The following PCDHA4 variants were observed in gnomAD, a reference collection of about 807,000 sequenced individuals.
The protein encoded by PCDHA4 is protocadherin alpha 4, also known as protocadherin alpha-4.
In PCDHA4, 49 loss-of-function variants were observed where a neutral mutation model predicts 61.4. The ratio of observed to expected loss-of-function variants is 0.80; its 90% CI spans 0.63 to 1.01. The LOEUF is 1.01. Ranked by LOEUF, PCDHA4 falls within the 50% of genes least tolerant of loss-of-function variation. The pLI, the probability that PCDHA4 is intolerant of heterozygous loss-of-function variation, is 0.00. For synonymous variants in PCDHA4, 590 were observed against 550.3 expected (o/e 1.07, Z -1.01); for missense variants, 1,254 against 1,235.8 (o/e 1.01, Z -0.22).
chr5:140,829,158 C>T, intron 1 of PCDHA4: 1 of 1,614,016 alleles, frequency 6.2e-7, no homozygotes, highest in East Asian at 2.2e-5. Flanking sequence ...ACTTCCTTAT[C>T]CTTGCCTGTA....
chr5:140,847,155 T>C lies in PCDHA4; in HGVS notation c.2385+37583T>C. On this transcript the variant is annotated intron_variant, in intron 1 of 3. Transcript: ENST00000530339. ...ACCAATGTAAGAAGATCTCTTGATT[T>C]CTGAGTAATAAACTAAAGGGCCATG... is the stretch of plus-strand genomic sequence containing the variant. Among the ~76,000 whole-genome samples, 2 of 149,582 alleles carry C rather than the reference T, an allele frequency of 1.3e-5. 1 individual carries two copies. The highest frequency in any genetic ancestry group is 3.0e-5 in the Non-Finnish European group (2 of 66,904).
At chr5:140,841,860 T>C (rs2150324281) in intron 1 of PCDHA4, 1 of 1,613,766 alleles carries the variant, frequency 6.2e-7, no homozygotes, top group Admixed American at 1.7e-5. Context: ...TACTTCATGC[T>C]AGATGTGAAT....
At chr5:140,909,353 T>C (rs2074452823) in intron 1 of PCDHA4, among the ~76,000 whole-genome samples, 1 of 152,156 alleles carries the variant, frequency 6.6e-6, no homozygotes, top group Non-Finnish European at 1.5e-5. Flanking sequence ...CCAAGAGATG[T>C]GTTAATTTGT....
At chr5:140,995,500 G>A (rs541415385) in intron 3 of PCDHA4, among the ~76,000 whole-genome samples, 22 of 152,298 alleles carry the variant, frequency 1.4e-4, no homozygotes, top group Admixed American at 1.2e-3. Flanking sequence ...AAGGTTGACT[G>A]TGGGTAACTG....
At chr5:140,883,911 A>G (rs2059884661) in intron 1 of PCDHA4, 2 of 1,613,034 alleles carry the variant, frequency 1.2e-6, no homozygotes, top group Non-Finnish European at 8.5e-7. Flanking sequence ...CTGGGCAGCA[A>G]CGTGACGCTG....
chr5:140,870,555 G>A (rs1554164406), intron 1 of PCDHA4: 1 of 1,613,926 alleles, frequency 6.2e-7, no homozygotes, highest in Non-Finnish European at 8.5e-7. Context: ...CGGACGCGCA[G>A]GAGAACGCGC....
chr5:140,869,189 G>T (rs1554162601), intron 1 of PCDHA4: 1 of 1,613,836 alleles, frequency 6.2e-7, no homozygotes, highest in African/African-American at 1.3e-5. Flanking sequence ...GTGGGGAGCG[G>T]CCAGCTCCAC....
chr5:140,903,334 G>A (rs1451948444), intron 1 of PCDHA4, among the ~76,000 whole-genome samples: 2 of 152,132 alleles, frequency 1.3e-5, no homozygotes, highest in Non-Finnish European at 2.9e-5. Context: ...TTGAGGAAAG[G>A]ATGCATTTTA....
chr5:140,895,603 T>C (rs2065070404), intron 1 of PCDHA4, among the ~76,000 whole-genome samples: 1 of 152,156 alleles, frequency 6.6e-6, no homozygotes, highest in African/African-American at 2.4e-5. Context: ...TTTGCAAAGA[T>C]TTTCTCATTG....
At chr5:140,927,601 G>A (rs1490799029) in intron 1 of PCDHA4, 1 of 1,614,198 alleles carries the variant, frequency 6.2e-7, no homozygotes, top group Non-Finnish European at 8.5e-7. Flanking sequence ...TGAGCGCTCC[G>A]TATACCGCAC....
chr5:140,927,734 G>A, intron 1 of PCDHA4: 1 of 1,614,196 alleles, frequency 6.2e-7, no homozygotes, highest in Non-Finnish European at 8.5e-7. Context: ...GCAGAGCTGC[G>A]ACACCGCTTT....
intron 1 of PCDHA4, chr5:140,966,833 C>G: frequency 2.6e-6 from 4 of 1,563,480 alleles, no homozygotes; most frequent in Non-Finnish European, 3.5e-6. Flanking sequence ...CATGCCCTGG[C>G]TGCTGCTACT....
chr5:140,850,518 G>A, intron 1 of PCDHA4: 1 of 1,598,310 alleles, frequency 6.3e-7, no homozygotes, highest in South Asian at 1.1e-5. Flanking sequence ...GAGCGGCCAG[G>A]CGCCAAAGTC....
chr5:140,828,176 G>T (rs782133322), intron 1 of PCDHA4: 2 of 1,614,128 alleles, frequency 1.2e-6, no homozygotes, highest in Non-Finnish European at 1.7e-6. Flanking sequence ...GGTGGGGAGC[G>T]GCCAGCTCCA....
At chr5:140,949,005 A>G (rs1554218775) in intron 1 of PCDHA4, among the ~76,000 whole-genome samples, 1 of 151,654 alleles carries the variant, frequency 6.6e-6, no homozygotes, top group African/African-American at 2.4e-5. Context: ...ACTAATTTTT[A>G]TATGTGATGT....
At chr5:140,969,346 AG>A (rs2096322383) in intron 1 of PCDHA4, 1 of 1,613,510 alleles carries the variant, frequency 6.2e-7, no homozygotes, top group African/African-American at 1.3e-5. Flanking sequence ...GACAGTGGTC[AG>A]GGGGTCTTCT....
chr5:140,842,052 A>T (rs1777672472), intron 1 of PCDHA4: 1 of 1,613,748 alleles, frequency 6.2e-7, no homozygotes, highest in African/African-American at 1.3e-5. Context: ...ACTTTCGAAC[A>T]GTCTGAATAC....
Position 140,809,166 on chromosome 5 carries a change from C to T in PCDHA4, c.1979C>T (p.Thr660Met), listed in dbSNP as rs1275758806. 1 of 1,613,942 alleles carries T rather than the reference C, an allele frequency of 6.2e-7. No individual in the cohort carries two copies. The highest frequency in any genetic ancestry group is 8.5e-7 in the Non-Finnish European group (1 of 1,179,932). Residue 660 changes from threonine to methionine, a missense_variant, in exon 1 of 4, where the codon ACG (threonine) becomes ATG (methionine). Transcript: ENST00000530339. ...LVKDHGEPAL[T>M]ATATVLVSLV... ...AAGGACCACGGCGAGCCCGCGCTGA[C>T]GGCCACGGCCACTGTGCTGGTGTCA...
At chr5:140,846,097 A>G (rs1554141144) in intron 1 of PCDHA4, among the ~76,000 whole-genome samples, 1 of 149,760 alleles carries the variant, frequency 6.7e-6, no homozygotes, top group African/African-American at 2.4e-5. Context: ...CCTTCCAAGG[A>G]ATGTGTAGAC....
Sources: allele counts gnomAD v4.1 joint callset (sites outside exome capture counted in the v4.1 genomes callset), GRCh38; gene constraint gnomAD v4.1.1; transcripts MANE v1.5; gene names NCBI Gene and HGNC (gene_info 2026-07-23, HGNC 2026-07-21).